The following EXOC6 variants were observed in gnomAD, a reference collection of about 807,000 sequenced individuals.
EXOC6 encodes the protein SEC15-like 1.
In EXOC6, 60 loss-of-function variants were observed where a neutral mutation model predicts 112.5. The observed-to-expected ratio is 0.53, with a 90% confidence interval of 0.43 to 0.66. EXOC6 has a LOEUF of 0.66. Among genes scored for constraint, EXOC6 ranks in the 30% least tolerant of loss-of-function variants. The pLI is 0.00. For missense variants in EXOC6, 855 were observed against 957.1 expected (o/e 0.89, Z 1.41); for synonymous variants, 295 against 308.0 (o/e 0.96, Z 0.44).
chr10:92,985,562 C>T (rs1048880664), intron 18 of EXOC6, among the ~76,000 whole-genome samples: 1 of 152,100 alleles, frequency 6.6e-6, no homozygotes, highest in Non-Finnish European at 1.5e-5. Flanking sequence ...CATCTTGATT[C>T]TGAACAACTT....
In EXOC6 at chr10:92,976,632, T is replaced by C. The variant is rs1452618161; in HGVS notation, c.1953+2400T>C. ...GTCCTATGACCCTGCCATCCCCCTCTGCGAGAAACACCCAAGAATGATCAG... is the reference window on the plus strand; with the variant it reads ...GTCCTATGACCCTGCCATCCCCCTCCGCGAGAAACACCCAAGAATGATCAG... On this transcript the variant is annotated intron_variant, in intron 18 of 21. Coordinates refer to ENST00000260762, the MANE Select transcript of EXOC6 (RefSeq NM_019053.6). Among the ~76,000 whole-genome samples the C allele has an allele frequency of 8.2e-5, 12 of 146,136 alleles. No individual in the cohort carries two copies. In the East Asian group the frequency reaches 2.4e-3, roughly 29 times the overall value.
rs574620763 is a variant in EXOC6, at chr10:93,022,509, A to G, written c.2169+8242A>G. On this transcript the variant is annotated intron_variant, in intron 20 of 21. Transcript: ENST00000260762. ...TGATTATTATTGTCAAAATGTAATC[A>G]TACTCTTCTTGGACTTCTGTATTCC... 2.0e-3 allele frequency among the ~76,000 whole-genome samples: 312 copies of G among 152,318 alleles called. 1 individual carries two copies. Among genetic ancestry groups the G allele is most frequent in the African/African-American group, 7.2e-3 (300 of 41,584 alleles).
intron 18 of EXOC6, among the ~76,000 whole-genome samples, chr10:92,974,990 C>G (rs1207024969): frequency 6.6e-6 from 1 of 152,144 alleles, no homozygotes. Context: ...GCCGCCACCC[C>G]GTCTGGGAAG....
chr10:92,928,576 A>G (rs1851849071), intron 9 of EXOC6, among the ~76,000 whole-genome samples, 154 bp downstream of exon 9: 1 of 152,144 alleles, frequency 6.6e-6, no homozygotes, highest in Admixed American at 6.6e-5. Flanking sequence ...CTAAGGGTAC[A>G]GCAGTGAACC....
intron 19 of EXOC6, among the ~76,000 whole-genome samples, chr10:93,008,386 G>A (rs1393086953): frequency 1.3e-5 from 2 of 152,166 alleles, no homozygotes; most frequent in Non-Finnish European, 2.9e-5. Flanking sequence ...CAGGATCAAT[G>A]TGTGTTATTT....
At chr10:93,043,170 C>T (rs1430735596) in intron 20 of EXOC6, among the ~76,000 whole-genome samples, 5 of 151,952 alleles carry the variant, frequency 3.3e-5, no homozygotes, top group African/African-American at 7.2e-5. Context: ...CTTCTGACCT[C>T]GTGATCCACC....
At chr10:93,031,255 T>A (rs569746131) in intron 20 of EXOC6, among the ~76,000 whole-genome samples, 6 of 151,276 alleles carry the variant, frequency 4.0e-5, no homozygotes, top group South Asian at 2.1e-4. Flanking sequence ...AAGAATACTT[T>A]AAAAAAAAAG....
At chr10:92,832,554 A>G (rs191243642), upstream of EXOC6, among the ~76,000 whole-genome samples, 1 of 152,152 alleles carries the variant, frequency 6.6e-6, no homozygotes, top group African/African-American at 2.4e-5. Flanking sequence ...CTGGGATTAC[A>G]GGTGTGAGCC....
intron 19 of EXOC6, among the ~76,000 whole-genome samples, chr10:93,010,030 G>A (rs992981901): frequency 6.6e-6 from 1 of 152,144 alleles, no homozygotes; most frequent in Non-Finnish European, 1.5e-5. Flanking sequence ...TTTGTACTAA[G>A]GTAGAAACAA....
At chr10:92,919,290 T>C (rs149755253) in intron 7 of EXOC6, among the ~76,000 whole-genome samples, 95 of 149,450 alleles carry the variant, frequency 6.4e-4, no homozygotes, top group African/African-American at 2.2e-3. Flanking sequence ...TTTATCATTT[T>C]CCCTAATAAG....
At chr10:92,872,142 GTTC>G (rs1406765375) in intron 1 of EXOC6, among the ~76,000 whole-genome samples, 3 of 151,846 alleles carry the variant, frequency 2.0e-5, no homozygotes, top group Non-Finnish European at 4.4e-5. Context: ...ATTTAATGCT[GTTC>G]TTCTTCACTG....
At position 92,861,982 on chromosome 10, in the gene EXOC6, T is replaced by C. The variant is rs553414037; in HGVS notation, c.101+13348T>C. 5.4e-4 allele frequency among the ~76,000 whole-genome samples: 83 copies of C among 152,366 alleles called. No individual in the cohort carries two copies. In the Middle Eastern group the frequency reaches 0.01, roughly 19 times the overall value. On this transcript the variant is annotated intron_variant, in intron 1 of 21. Coordinates refer to ENST00000260762, the MANE Select transcript of EXOC6 (RefSeq NM_019053.6). ...TCAAATATTATTCTTGTTTTATTTT[T>C]TCCTAAATAGAGGTAACATCAATGT... is the stretch of plus-strand genomic sequence containing the variant.
At chr10:92,844,164 A>AG (rs1846968825), upstream of EXOC6, among the ~76,000 whole-genome samples, 1 of 149,960 alleles carries the variant, frequency 6.7e-6, no homozygotes, top group African/African-American at 2.5e-5. Flanking sequence ...AAAAAAAAAA[A>AG]GGAAAAAAAA....
intron 1 of EXOC6, among the ~76,000 whole-genome samples, chr10:92,875,487 T>C (rs978582242): frequency 6.6e-5 from 10 of 152,324 alleles, no homozygotes; most frequent in African/African-American, 2.4e-4. Flanking sequence ...GTTTTGAATA[T>C]AGCCCTAATT....
At chr10:92,968,911 G>A (rs937571652) in intron 17 of EXOC6, among the ~76,000 whole-genome samples, 1 of 152,158 alleles carries the variant, frequency 6.6e-6, no homozygotes, top group Admixed American at 6.6e-5. Context: ...TATTAAGTAA[G>A]TGGAAGTATT....
intron 19 of EXOC6, among the ~76,000 whole-genome samples, chr10:93,008,782 T>C (rs1332813972): frequency 1.3e-5 from 2 of 152,212 alleles, no homozygotes; most frequent in Admixed American, 6.5e-5. Flanking sequence ...GCTTCTTGTT[T>C]AGTGGAAGAG....
At chr10:92,862,124 T>A (rs974383292) in intron 1 of EXOC6, among the ~76,000 whole-genome samples, 1 of 152,242 alleles carries the variant, frequency 6.6e-6, no homozygotes, top group African/African-American at 2.4e-5. Context: ...AAAGAAACCT[T>A]GTACACATTA....
At chr10:92,882,163 T>C (rs987100413) in intron 1 of EXOC6, among the ~76,000 whole-genome samples, 1 of 152,190 alleles carries the variant, frequency 6.6e-6, no homozygotes, top group African/African-American at 2.4e-5. Context: ...TTTTTCTTGG[T>C]ATTTCATATT....
intron 12 of EXOC6, among the ~76,000 whole-genome samples, chr10:92,937,688 T>C (rs1303904455): frequency 1.3e-5 from 2 of 152,190 alleles, no homozygotes; most frequent in Admixed American, 6.5e-5. Context: ...AAGAAAACTT[T>C]TGGGAAGTTT....
Sources: allele counts gnomAD v4.1 joint callset (sites outside exome capture counted in the v4.1 genomes callset), GRCh38; gene constraint gnomAD v4.1.1; transcripts MANE v1.5; gene names NCBI Gene and HGNC (gene_info 2026-07-23, HGNC 2026-07-21).